The following STYK1 variants were observed in gnomAD, a reference collection of about 807,000 sequenced individuals.
The protein encoded by STYK1 is STY kinase 1.
STYK1 carries 46 observed loss-of-function variants against 48.1 expected under a neutral mutation model. The observed-to-expected ratio is 0.96, with a 90% CI of 0.75 to 1.22. STYK1 has a LOEUF of 1.22. Among genes scored for constraint, STYK1 ranks in the 50% most tolerant of loss-of-function variants. The pLI is 0.00. For synonymous variants in STYK1, 188 were observed against 189.0 expected (o/e 0.99, Z 0.04); for missense variants, 527 against 521.1 (o/e 1.01, Z -0.11).
At chr12:10,632,811 T>G (rs951434249) in intron 4 of STYK1, among the ~76,000 whole-genome samples, 1 of 152,196 alleles carries the variant, frequency 6.6e-6, no homozygotes, top group Non-Finnish European at 1.5e-5. Context: ...GGTTTGAGAC[T>G]GAAAACACAG....
chr12:10,647,979 G>C (rs1049068603), intron 1 of STYK1, among the ~76,000 whole-genome samples: 3 of 152,116 alleles, frequency 2.0e-5, no homozygotes, highest in African/African-American at 7.2e-5. Flanking sequence ...AAATTGCCCA[G>C]TCTCAGGTAT....
At chr12:10,640,706 C>T (rs559542634) in intron 1 of STYK1, 1 of 152,218 alleles carries the variant, frequency 6.6e-6, no homozygotes, top group Non-Finnish European at 1.5e-5. Context: ...GTTTTTCTTG[C>T]TTCTATTTTT....
chr12:10,626,164 T>G (rs1047672023), intron 7 of STYK1, among the ~76,000 whole-genome samples: 1 of 152,190 alleles, frequency 6.6e-6, no homozygotes, highest in African/African-American at 2.4e-5. Context: ...AGTGCCATGA[T>G]AAGAATTAAA....
At chr12:10,670,852 AT>A (rs972153911) in intron 1 of STYK1, among the ~76,000 whole-genome samples, 14 of 149,396 alleles carry the variant, frequency 9.4e-5, no homozygotes, top group Non-Finnish European at 8.9e-5. Context: ...ATAATTTTTA[AT>A]TTTTTTAATT....
At chr12:10,632,146 G>C (rs1239417349) in intron 4 of STYK1, among the ~76,000 whole-genome samples, 1 of 151,470 alleles carries the variant, frequency 6.6e-6, no homozygotes, top group Non-Finnish European at 1.5e-5. Context: ...GAGCCCAGGA[G>C]ATCCTGGGCT....
At chr12:10,660,310 T>C (rs1015301986) in intron 1 of STYK1, among the ~76,000 whole-genome samples, 4 of 152,228 alleles carry the variant, frequency 2.6e-5, no homozygotes, top group Non-Finnish European at 4.4e-5. Context: ...TCCATACTGA[T>C]ACTTTCTGAC....
intron 7 of STYK1, 40 bp from the exon 8 acceptor site, chr12:10,624,899 C>G (rs1300387439): frequency 1.3e-6 from 2 of 1,581,066 alleles, no homozygotes; most frequent in East Asian, 2.2e-5. Flanking sequence ...TGTCTGAGAT[C>G]ACAGCTTGGG....
intron 1 of STYK1, among the ~76,000 whole-genome samples, chr12:10,661,476 C>T (rs1215321042): frequency 6.6e-6 from 1 of 152,234 alleles, no homozygotes; most frequent in Non-Finnish European, 1.5e-5. Flanking sequence ...GGAATCCACC[C>T]TGCTCTGCTA....
rs1281201618 is a variant in STYK1, at chr12:10,620,176, C to G, written c.1237G>C (p.Glu413Gln). The stretch of plus-strand genomic sequence containing the variant: ...ATGCTATAGTTGTAGAAGAGGCTCT[C>G]CACTCTGATGCCGGCCACAGCTGCA... Reference protein sequence around the residue: ...LYAAVAGIRVESLFYNYSML With the variant: ...LYAAVAGIRVQSLFYNYSML The change falls in exon 11 of 11, where the codon GAG (glutamate) becomes CAG (glutamine). Residue 413 changes from glutamate to glutamine, a missense_variant. By Grantham distance (29) the Glu-to-Gln change is conservative. Transcript: ENST00000075503. 6.2e-7 allele frequency: 1 copy of G among 1,614,070 alleles called. No homozygotes were observed. Among genetic ancestry groups the G allele is most frequent in the African/African-American group, 1.3e-5 (1 of 74,932 alleles).
chr12:10,632,777 G>A (rs982300869), intron 4 of STYK1, among the ~76,000 whole-genome samples: 2 of 152,190 alleles, frequency 1.3e-5, no homozygotes, highest in Non-Finnish European at 2.9e-5. Context: ...CAGACTGTGA[G>A]AGAAAGAAAG....
intron 1 of STYK1, among the ~76,000 whole-genome samples, chr12:10,663,034 C>T (rs939299383): frequency 2.0e-5 from 3 of 152,194 alleles, no homozygotes; most frequent in Non-Finnish European, 2.9e-5. Context: ...CATTCTTTTG[C>T]ACGTGAATAT....
At chr12:10,668,063 C>T (rs933995129) in intron 1 of STYK1, among the ~76,000 whole-genome samples, 2 of 152,158 alleles carry the variant, frequency 1.3e-5, no homozygotes, top group African/African-American at 4.8e-5. Flanking sequence ...TCTAAACTAT[C>T]TTATTATTAT....
rs542506881 is a variant in STYK1, at chr12:10,635,487, G to C, written c.-68-801C>G. 2.5e-3 allele frequency among the ~76,000 whole-genome samples: 380 copies of C among 152,200 alleles called. 2 individuals carry two copies. Among genetic ancestry groups the C allele is most frequent in the African/African-American group, 8.9e-3 (371 of 41,520 alleles). ...CTCAGAGCTTCAAGGTGCTTCCTCT[G>C]CTCATATCAGATATAGACACGGACA... On this transcript the variant is annotated intron_variant, in intron 2 of 10. Coordinates refer to ENST00000075503, the MANE Select transcript of STYK1 (RefSeq NM_018423.3).
chr12:10,656,610 G>A (rs914771791), intron 1 of STYK1, among the ~76,000 whole-genome samples: 2 of 152,130 alleles, frequency 1.3e-5, no homozygotes, highest in Non-Finnish European at 2.9e-5. Flanking sequence ...GGGCGATAGA[G>A]TGAGACTCCA....
At chr12:10,668,712 CT>C (rs1422345354) in intron 1 of STYK1, among the ~76,000 whole-genome samples, 5 of 151,928 alleles carry the variant, frequency 3.3e-5, no homozygotes, top group African/African-American at 1.2e-4. Context: ...GCTTCTTTAC[CT>C]TTGTGCACAT....
At chr12:10,651,716 C>T (rs1947664332) in intron 1 of STYK1, among the ~76,000 whole-genome samples, 1 of 152,084 alleles carries the variant, frequency 6.6e-6, no homozygotes, top group African/African-American at 2.4e-5. Flanking sequence ...AACATAATAC[C>T]ACTCGCATTT....
At chr12:10,637,872 T>C (rs1265193376) in intron 1 of STYK1, among the ~76,000 whole-genome samples, 1 of 152,214 alleles carries the variant, frequency 6.6e-6, no homozygotes, top group Non-Finnish European at 1.5e-5. Context: ...CATGCCTTAA[T>C]GCCAAAAACC....
At chr12:10,661,058 G>T (rs183240729) in intron 1 of STYK1, among the ~76,000 whole-genome samples, 2 of 152,022 alleles carry the variant, frequency 1.3e-5, no homozygotes, top group African/African-American at 2.4e-5. Context: ...TCTGCTGGGG[G>T]TCTGAATTGG....
intron 2 of STYK1, among the ~76,000 whole-genome samples, chr12:10,636,396 C>G (rs952120998): frequency 2.0e-5 from 3 of 152,170 alleles, no homozygotes; most frequent in African/African-American, 4.8e-5. Flanking sequence ...AACTTCTTAT[C>G]CTTATTCTTA....
Sources: gnomAD v4.1 joint callset for allele counts (sites outside exome capture counted in the v4.1 genomes callset) on GRCh38, gnomAD v4.1.1 for gene constraint, MANE v1.5 for transcripts, NCBI Gene and HGNC (gene_info 2026-07-23, HGNC 2026-07-21) for gene names.